Variants in SV2C observed in about 807,000 individuals in gnomAD.
SV2C encodes solute carrier family 22 member B3.
A neutral mutation model predicts 79.7 loss-of-function variants in SV2C; 49 were observed. The observed-to-expected ratio is 0.61, with a 90% CI of 0.49 to 0.78. The LOEUF (loss-of-function observed/expected upper bound fraction) is 0.78. Among genes scored for constraint, SV2C ranks in the 30% least tolerant of loss-of-function variants. The pLI is 0.00. For missense variants in SV2C, 833 were observed against 912.9 expected, an observed-to-expected ratio of 0.91 and a Z score of 1.13; for synonymous variants, 334 against 333.2, an observed-to-expected ratio of 1.00 and a Z score of -0.03.
the SV2C span, among the ~76,000 whole-genome samples, chr5:76,062,670 T>C: frequency 7.9e-5 from 12 of 152,124 alleles, no homozygotes; most frequent in African/African-American, 2.9e-4. Flanking sequence ...ATTTCTGTTA[T>C]TGCTTTATGG....
At chr5:76,258,321 AG>A (rs1040726265) in intron 4 of SV2C, among the ~76,000 whole-genome samples, 3 of 152,066 alleles carry the variant, frequency 2.0e-5, no homozygotes, top group African/African-American at 7.3e-5. Context: ...GGACATGGGC[AG>A]GGGGCAACTG....
intron 1 of SV2C, among the ~76,000 whole-genome samples, chr5:76,107,017 A>G (rs258614): frequency 0.54 from 82,148 of 152,010 alleles, 23,013 homozygotes; most frequent in East Asian, 0.73. Flanking sequence ...CGTATTCACA[A>G]ATCATAAATA....
chr5:75,936,383 G>T, the SV2C span, among the ~76,000 whole-genome samples: 1 of 152,184 alleles, frequency 6.6e-6, no homozygotes. Context: ...TTTGGAGAAA[G>T]ACTTTGATTG....
the SV2C span, among the ~76,000 whole-genome samples, chr5:75,994,517 T>C: frequency 1.4e-4 from 21 of 152,168 alleles, 1 homozygote; most frequent in South Asian, 4.4e-3. Context: ...TCAGATTCTT[T>C]GCCATAAAGT....
intron 2 of SV2C, among the ~76,000 whole-genome samples, chr5:76,160,551 A>G (rs543609884): frequency 1.3e-5 from 2 of 152,372 alleles, no homozygotes; most frequent in East Asian, 3.9e-4. Context: ...ATTGGGCTTT[A>G]ATAAAACTGA....
At chr5:75,898,376 A>G in the SV2C span, among the ~76,000 whole-genome samples, 1 of 151,986 alleles carries the variant, frequency 6.6e-6, no homozygotes, top group Non-Finnish European at 1.5e-5. Context: ...ACATTTATTG[A>G]TTTGCTTATA....
intron 12 of SV2C, among the ~76,000 whole-genome samples, chr5:76,346,139 T>C (rs1286617258): frequency 6.6e-6 from 1 of 152,062 alleles, no homozygotes; most frequent in African/African-American, 2.4e-5. Context: ...AAATGTGGAG[T>C]TGGGAGAAGT....
At chr5:75,997,900 A>C in the SV2C span, among the ~76,000 whole-genome samples, 1 of 152,102 alleles carries the variant, frequency 6.6e-6, no homozygotes. Context: ...ACGTATGTTT[A>C]TTGTGGCACT....
chr5:76,346,879 T>C (rs899547986), intron 12 of SV2C, among the ~76,000 whole-genome samples: 8 of 152,226 alleles, frequency 5.3e-5, no homozygotes, highest in African/African-American at 1.9e-4. Flanking sequence ...CACAGCTTGC[T>C]GCTAGACACT....
chr5:76,221,428 A>G lies in SV2C; in HGVS notation c.913+11541A>G, dbSNP rs537435621. ...TTTTAATATTGTTAGATTTTCTTCCAAAGTCATGGGGAGTCGCTGTCTTTG... is the reference window on the plus strand; with the variant it reads ...TTTTAATATTGTTAGATTTTCTTCCGAAGTCATGGGGAGTCGCTGTCTTTG... On this transcript the variant is annotated intron_variant, in intron 4 of 12. Transcript: ENST00000502798. 2.0e-5 allele frequency among the ~76,000 whole-genome samples: 3 copies of G among 152,314 alleles called. No homozygotes were observed. In the East Asian group the frequency reaches 5.8e-4, roughly 29 times the overall value.
intron 4 of SV2C, among the ~76,000 whole-genome samples, chr5:76,211,110 A>C (rs1005197230): frequency 1.3e-5 from 2 of 152,050 alleles, no homozygotes; most frequent in Admixed American, 1.3e-4. Context: ...ACCTTTACTC[A>C]ACTCTTGTGG....
At chr5:76,015,056 G>A in the SV2C span, among the ~76,000 whole-genome samples, 1 of 152,134 alleles carries the variant, frequency 6.6e-6, no homozygotes, top group Admixed American at 6.6e-5. Flanking sequence ...AGTTAAGGTT[G>A]GGGTCATGTG....
chr5:75,945,263 T>G, the SV2C span, among the ~76,000 whole-genome samples: 1 of 152,030 alleles, frequency 6.6e-6, no homozygotes, highest in Non-Finnish European at 1.5e-5. Context: ...TTGAAATAAT[T>G]AATATTTATA....
intron 4 of SV2C, among the ~76,000 whole-genome samples, chr5:76,215,125 G>A (rs1744878220): frequency 6.6e-6 from 1 of 152,136 alleles, no homozygotes; most frequent in African/African-American, 2.4e-5. Flanking sequence ...GAGTATGTTA[G>A]CTGGGAGCTT....
chr5:76,036,311 C>T, the SV2C span, among the ~76,000 whole-genome samples: 8 of 151,500 alleles, frequency 5.3e-5, no homozygotes, highest in Non-Finnish European at 8.8e-5. Flanking sequence ...TTATTTTGCT[C>T]GTTAGTTGAT....
intron 2 of SV2C, among the ~76,000 whole-genome samples, chr5:76,167,282 G>A (rs896700987): frequency 4.6e-5 from 7 of 152,194 alleles, no homozygotes; most frequent in Admixed American, 1.3e-4. Context: ...GTAATTTTAA[G>A]CTTTAGTTTT....
At chr5:76,218,442 C>T (rs1306849885) in intron 4 of SV2C, among the ~76,000 whole-genome samples, 4 of 152,156 alleles carry the variant, frequency 2.6e-5, no homozygotes, top group Admixed American at 6.5e-5. Context: ...ATAATGAGCT[C>T]ATGTCCTTTG....
At chr5:76,118,168 C>T (rs1038455684) in intron 1 of SV2C, among the ~76,000 whole-genome samples, 1 of 152,184 alleles carries the variant, frequency 6.6e-6, no homozygotes, top group Admixed American at 6.5e-5. Context: ...GAGACTCCCT[C>T]CTTGCTCTTC....
the SV2C span, among the ~76,000 whole-genome samples, chr5:75,895,155 G>T: frequency 6.6e-6 from 1 of 152,052 alleles, no homozygotes. Flanking sequence ...AACAACAGCA[G>T]CAACAACAAC....
Sources: allele counts gnomAD v4.1 joint callset (sites outside exome capture counted in the v4.1 genomes callset), GRCh38; gene constraint gnomAD v4.1.1; transcripts MANE v1.5; gene names NCBI Gene and HGNC (gene_info 2026-07-23, HGNC 2026-07-21).